Variants in FMN2 observed in about 807,000 individuals in gnomAD.
FMN2 encodes the protein formin-2.
Under a neutral mutation model 142.3 loss-of-function variants are expected in FMN2, and 51 were observed. That is an observed-to-expected ratio of 0.36 (90% CI 0.29 to 0.45). FMN2 has a LOEUF of 0.45. Among genes scored for constraint, FMN2 ranks in the 20% least tolerant of loss-of-function variants. The pLI, the probability that FMN2 is intolerant of heterozygous loss-of-function variation, is 1.00. For synonymous variants in FMN2, 882 were observed against 869.8 expected, an observed-to-expected ratio of 1.01 and a Z score of -0.25; for missense variants, 1,936 against 2,122.8, an observed-to-expected ratio of 0.91 and a Z score of 1.73.
intron 15 of FMN2, among the ~76,000 whole-genome samples, chr1:240,404,873 T>C (rs937676635): frequency 1.3e-5 from 2 of 152,190 alleles, no homozygotes; most frequent in African/African-American, 4.8e-5. Context: ...AGTAGAAGGA[T>C]TTCAGGATTT....
At chr1:240,441,283 A>C (rs1675608901) in intron 16 of FMN2, among the ~76,000 whole-genome samples, 1 of 152,058 alleles carries the variant, frequency 6.6e-6, no homozygotes, top group Non-Finnish European at 1.5e-5. Context: ...GTGAGCCACC[A>C]CACCTGGCCT....
intron 16 of FMN2, chr1:240,457,658 C>T (rs1242570489): frequency 3.9e-5 from 6 of 152,286 alleles, no homozygotes; most frequent in South Asian, 4.1e-4. Context: ...AGCAGGGACT[C>T]GGAGATGAGG....
intron 16 of FMN2, among the ~76,000 whole-genome samples, chr1:240,447,524 A>G (rs1558112198): frequency 1.3e-5 from 2 of 152,356 alleles, no homozygotes; most frequent in East Asian, 3.9e-4. Context: ...GGCTGTGGTA[A>G]AAAACACAGA....
intron 2 of FMN2, among the ~76,000 whole-genome samples, chr1:240,177,641 C>A (rs1275900061): frequency 6.6e-6 from 1 of 152,064 alleles, no homozygotes; most frequent in Non-Finnish European, 1.5e-5. Context: ...TAATTCCCTG[C>A]AGGGCTACAT....
chr1:240,215,865 T>A (rs918030410), intron 6 of FMN2, among the ~76,000 whole-genome samples: 3 of 152,100 alleles, frequency 2.0e-5, no homozygotes, highest in African/African-American at 7.2e-5. Context: ...CGGGCCACCG[T>A]GACCAGCTAA....
intron 2 of FMN2, among the ~76,000 whole-genome samples, chr1:240,161,022 G>A (rs566275871): frequency 7.9e-5 from 12 of 152,258 alleles, no homozygotes; most frequent in Admixed American, 5.9e-4. Context: ...GAACAGACAT[G>A]TGCATGGCCT....
At chr1:240,461,722 G>A (rs982350952) in intron 16 of FMN2, among the ~76,000 whole-genome samples, 1 of 152,012 alleles carries the variant, frequency 6.6e-6, no homozygotes, top group East Asian at 1.9e-4. Flanking sequence ...CCACATCTGG[G>A]TTCTCTTCTT....
Position 240,333,956 on chromosome 1 carries a change from T to G in FMN2, c.4644+10T>G. 1 of 1,602,030 alleles carries G rather than the reference T, an allele frequency of 6.2e-7. No homozygotes were observed. The highest frequency in any genetic ancestry group is 8.5e-7 in the Non-Finnish European group (1 of 1,172,868). Reference sequence around the variant, plus strand: ...CCGAAATTTTGATGAGGTAAGACAATTTTTACATATAGTCATATTCCATTA... The same window carrying G: ...CCGAAATTTTGATGAGGTAAGACAAGTTTTACATATAGTCATATTCCATTA... On this transcript the variant is annotated intron_variant, in intron 12 of 17. Coordinates refer to ENST00000319653, the MANE Select transcript of FMN2 (RefSeq NM_020066.5).
rs141305585 is a variant in FMN2, at chr1:240,398,303, C to T, written c.4910+5741C>T. Among the ~76,000 whole-genome samples the T allele has an allele frequency of 7.1e-3, 1,078 of 152,212 alleles. 45 individuals carry two copies. The highest frequency in any genetic ancestry group is 0.065 in the Admixed American group (1,001 of 15,294). On this transcript the variant is annotated intron_variant, in intron 15 of 17. Transcript: ENST00000319653. Reference sequence around the variant, plus strand: ...ACAGGGATGAGCCACCGTGCCTGGCCGGCGACATCTTTTATATTCACTGAA... The same window carrying T: ...ACAGGGATGAGCCACCGTGCCTGGCTGGCGACATCTTTTATATTCACTGAA...
chr1:240,093,236 A>G lies in FMN2; in HGVS notation c.1127A>G (p.Gln376Arg). 1.9e-6 allele frequency: 3 copies of G among 1,551,568 alleles called. No homozygotes were observed. The highest frequency in any genetic ancestry group is 2.6e-6 in the Non-Finnish European group (3 of 1,150,542). ...CCGGAGGTGGGAGAGGACGCCCCGCAGAGGCTGGGGGAAGAGCCGGAGGAG... is the reference window on the plus strand; with the variant it reads ...CCGGAGGTGGGAGAGGACGCCCCGCGGAGGCTGGGGGAAGAGCCGGAGGAG... Reference protein sequence around the residue: ...WAPEVGEDAPQRLGEEPEEEA... With the variant: ...WAPEVGEDAPRRLGEEPEEEA... The change falls in exon 1 of 18, where the codon CAG (glutamine) becomes CGG (arginine). Residue 376 changes from glutamine to arginine, a missense_variant. Gln to Arg is a conservative substitution (Grantham distance 43). Around this residue, in one of 8 missense-constraint regions of FMN2, gnomAD observed 751 missense variants for 791.8 expected, o/e 0.95. Transcript: ENST00000319653.
chr1:240,259,921 C>T (rs1043370685), intron 7 of FMN2, among the ~76,000 whole-genome samples: 6 of 152,066 alleles, frequency 3.9e-5, no homozygotes, highest in Non-Finnish European at 5.9e-5. Context: ...TCCACCAAGT[C>T]CCCAAAGTCC....
chr1:240,263,475 G>A (rs897596313), intron 7 of FMN2, among the ~76,000 whole-genome samples: 12 of 152,140 alleles, frequency 7.9e-5, no homozygotes, highest in Non-Finnish European at 1.6e-4. Context: ...AGGTAGGAGT[G>A]GAGCATCTCT....
intron 1 of FMN2, among the ~76,000 whole-genome samples, chr1:240,115,823 A>G (rs1422748494): frequency 1.3e-5 from 2 of 152,226 alleles, no homozygotes; most frequent in African/African-American, 4.8e-5. Context: ...TGGCTACCCC[A>G]TAGGCGGAGC....
chr1:240,153,337 A>G (rs1663862868), intron 2 of FMN2, among the ~76,000 whole-genome samples: 1 of 149,150 alleles, frequency 6.7e-6, no homozygotes, highest in Non-Finnish European at 1.5e-5. Flanking sequence ...ATCTCATTTA[A>G]TCTCACTCGG....
intron 6 of FMN2, chr1:240,245,138 T>C (rs1290701791): frequency 4.8e-6 from 1 of 209,218 alleles, no homozygotes; most frequent in Non-Finnish European, 9.7e-6. Flanking sequence ...TACAGGGATG[T>C]TCAGGAGAAG....
At chr1:240,163,089 T>G (rs191743698) in intron 2 of FMN2, among the ~76,000 whole-genome samples, 58 of 152,350 alleles carry the variant, frequency 3.8e-4, no homozygotes, top group African/African-American at 1.4e-3. Context: ...ATTTAATTCA[T>G]TATATTAAGA....
intron 13 of FMN2, among the ~76,000 whole-genome samples, chr1:240,352,296 T>G (rs1392810677): frequency 6.6e-6 from 1 of 152,148 alleles, no homozygotes; most frequent in Non-Finnish European, 1.5e-5. Flanking sequence ...GTGTCATGTG[T>G]ACGTTAGAAA....
At chr1:240,109,576 C>T (rs1661731710) in intron 1 of FMN2, among the ~76,000 whole-genome samples, 2 of 152,136 alleles carry the variant, frequency 1.3e-5, no homozygotes, top group Non-Finnish European at 2.9e-5. Flanking sequence ...GGAAGATCCT[C>T]TCAGTCTTCA....
intron 3 of FMN2, among the ~76,000 whole-genome samples, chr1:240,186,276 T>C (rs1333145361): frequency 6.6e-6 from 1 of 152,228 alleles, no homozygotes; most frequent in East Asian, 1.9e-4. Flanking sequence ...TTTCATGTTC[T>C]TATCATTGTT....
Sources: gnomAD v4.1 joint callset for allele counts (sites outside exome capture counted in the v4.1 genomes callset) on GRCh38, gnomAD v4.1.1 for gene constraint, gnomAD v4.1.1 regional missense constraint, MANE v1.5 for transcripts, NCBI Gene and HGNC (gene_info 2026-07-23, HGNC 2026-07-21) for gene names.